Variants in SCMH1 observed in about 807,000 individuals in gnomAD.
SCMH1 encodes polycomb protein SCMH1.
A neutral mutation model predicts 70.8 loss-of-function variants in SCMH1; 37 were observed. That is an observed-to-expected ratio of 0.52 (90% confidence interval 0.40 to 0.69). The LOEUF (loss-of-function observed/expected upper bound fraction) is 0.69. Among genes scored for constraint, SCMH1 ranks in the 30% least tolerant of loss-of-function variants. The probability of loss-of-function intolerance (pLI) is 0.00; values close to 1 mark genes in which losing one functional copy is unlikely to be tolerated. For synonymous variants in SCMH1, 292 were observed against 307.4 expected, an observed-to-expected ratio of 0.95 and a Z score of 0.52; for missense variants, 607 against 827.3, an observed-to-expected ratio of 0.73 and a Z score of 3.27.
chr1:41,125,995 T>C (rs1017657510), intron 6 of SCMH1, among the ~76,000 whole-genome samples: 1 of 152,228 alleles, frequency 6.6e-6, no homozygotes, highest in African/African-American at 2.4e-5. Context: ...ATATGTTACA[T>C]ATATGTATTA....
intron 10 of SCMH1, among the ~76,000 whole-genome samples, chr1:41,050,001 A>C (rs1377732779): frequency 6.6e-6 from 1 of 151,668 alleles, no homozygotes; most frequent in African/African-American, 2.4e-5. Context: ...GGCTGCAGTG[A>C]GCTGTAATCG....
At chr1:41,061,472 T>C (rs780431199) in intron 10 of SCMH1, among the ~76,000 whole-genome samples, 2 of 152,054 alleles carry the variant, frequency 1.3e-5, no homozygotes, top group Non-Finnish European at 2.9e-5. Flanking sequence ...GCAAGGAAAA[T>C]TATCAGGGAA....
chr1:41,198,004 G>T (rs1034186276), intron 1 of SCMH1, among the ~76,000 whole-genome samples: 2 of 152,126 alleles, frequency 1.3e-5, no homozygotes, highest in African/African-American at 4.8e-5. Flanking sequence ...CACTAGCTAT[G>T]TAAACTTGGA....
intron 1 of SCMH1, among the ~76,000 whole-genome samples, chr1:41,225,722 C>T (rs1462076148): frequency 6.6e-6 from 1 of 152,138 alleles, no homozygotes. Flanking sequence ...AGTGAAAGGG[C>T]TTGTATGATG....
intron 6 of SCMH1, among the ~76,000 whole-genome samples, chr1:41,122,001 A>G (rs1672069497): frequency 6.6e-6 from 1 of 152,178 alleles, no homozygotes; most frequent in Admixed American, 6.5e-5. Flanking sequence ...CTGCTATATT[A>G]CCCTAATTTA....
intron 1 of SCMH1, among the ~76,000 whole-genome samples, chr1:41,205,506 CCT>C (rs531113824): frequency 5.3e-5 from 8 of 152,194 alleles, no homozygotes; most frequent in Non-Finnish European, 1.0e-4. Context: ...CTGTGAGACC[CCT>C]GATTTCCCAC....
At chr1:41,118,542 C>G (rs1031658029) in intron 6 of SCMH1, among the ~76,000 whole-genome samples, 1 of 152,186 alleles carries the variant, frequency 6.6e-6, no homozygotes, top group African/African-American at 2.4e-5. Flanking sequence ...CACACATACA[C>G]ACACCAAGTA....
Position 41,075,430 on chromosome 1 carries a change from T to C in SCMH1, c.767A>G (p.Tyr256Cys), listed in dbSNP as rs748157901. Residue 256 changes from tyrosine to cysteine, a missense_variant, in exon 9 of 15, where the codon TAT becomes TGT. By Grantham distance (194) the Tyr-to-Cys change is radical (BLOSUM62 -2). Coordinates refer to ENST00000337495, the Ensembl canonical transcript of SCMH1. ...CTCAGTATTCACATCGGAGGCAGGATAGGGATTCTTTGGAATCACAACTGC... is the reference window on the plus strand; with the variant it reads ...CTCAGTATTCACATCGGAGGCAGGACAGGGATTCTTTGGAATCACAACTGC... The C allele has an allele frequency of 1.9e-5, 31 of 1,614,044 alleles. No homozygotes were observed. The highest frequency in any genetic ancestry group is 2.5e-5 in the Non-Finnish European group (30 of 1,179,972).
intron 10 of SCMH1, among the ~76,000 whole-genome samples, chr1:41,057,185 T>A (rs1650643762): frequency 6.6e-6 from 1 of 152,192 alleles, no homozygotes; most frequent in Non-Finnish European, 1.5e-5. Context: ...TGAGATTTAG[T>A]CATAGGACTG....
Position 41,161,401 on chromosome 1 carries a change from T to G in SCMH1, c.45A>C (p.Lys15Asn), listed in dbSNP as rs1277347655. 5 of 1,550,400 alleles carry G rather than the reference T, an allele frequency of 3.2e-6. No individual in the cohort carries two copies. In the East Asian group the frequency reaches 7.3e-5, roughly 23 times the overall value. Residue 15 changes from lysine to asparagine, a missense_variant, in exon 3 of 15, where the codon AAA becomes AAC. Physicochemically the swap from Lys to Asn is moderately conservative, Grantham distance 94 (BLOSUM62 0). Around this residue, in one of 3 missense-constraint regions of SCMH1, gnomAD observed 72 missense variants for 84.6 expected, o/e 0.85. Transcript: ENST00000337495. ...ATGCAGACTCTGATAGGTGACCATA[T>G]TTGTGTTTTCTAACATCACTCCAGT...
intron 10 of SCMH1, among the ~76,000 whole-genome samples, chr1:41,057,014 T>C (rs1650558998): frequency 6.6e-6 from 1 of 152,122 alleles, no homozygotes; most frequent in African/African-American, 2.4e-5. Flanking sequence ...CTAACTGATC[T>C]GGAAGAGGAG....
intron 6 of SCMH1, among the ~76,000 whole-genome samples, chr1:41,141,832 G>A (rs1157460521): frequency 1.3e-5 from 2 of 151,966 alleles, no homozygotes; most frequent in African/African-American, 2.4e-5. Flanking sequence ...GAGACAGACA[G>A]AGACAGACAA....
chr1:41,161,167 T>C (rs1345650111), intron 3 of SCMH1, among the ~76,000 whole-genome samples, 197 bp downstream of exon 3: 1 of 152,240 alleles, frequency 6.6e-6, no homozygotes, highest in African/African-American at 2.4e-5. Context: ...GGATTACCTA[T>C]ACTCAGAATC....
chr1:41,203,182 C>A (rs1004516588), intron 1 of SCMH1, among the ~76,000 whole-genome samples: 2 of 151,950 alleles, frequency 1.3e-5, no homozygotes, highest in African/African-American at 2.4e-5. Flanking sequence ...TTATAGCTTA[C>A]CTCAATTCAG....
intron 9 of SCMH1, among the ~76,000 whole-genome samples, chr1:41,072,428 C>A (rs1656861084): frequency 6.6e-6 from 1 of 152,194 alleles, no homozygotes; most frequent in Non-Finnish European, 1.5e-5. Context: ...TTCCATTTTA[C>A]AGGTGAGAAA....
intron 1 of SCMH1, among the ~76,000 whole-genome samples, chr1:41,225,779 A>C (rs1418604975): frequency 6.6e-6 from 1 of 152,224 alleles, no homozygotes; most frequent in Non-Finnish European, 1.5e-5. Context: ...CTATGGCAAG[A>C]AGCAGTGACT....
exon 6 of SCMH1, chr1:41,143,018 A>G (rs1644240894): frequency 6.2e-7 from 1 of 1,613,992 alleles, no homozygotes; most frequent in Admixed American, 1.7e-5. Context: ...TGTCAGTCCA[A>G]CTACTGTGGC....
At chr1:41,083,022 T>C (rs1408830008) in intron 8 of SCMH1, among the ~76,000 whole-genome samples, 1 of 152,224 alleles carries the variant, frequency 6.6e-6, no homozygotes, top group Non-Finnish European at 1.5e-5. Context: ...AATATCATAC[T>C]GAATGGGCCA....
chr1:41,181,887 G>A lies in SCMH1; in HGVS notation c.13+4234C>T, dbSNP rs1301411397. Among the ~76,000 whole-genome samples, 3 of 152,168 alleles carry A rather than the reference G, an allele frequency of 2.0e-5. No individual in the cohort carries two copies. The East Asian group carries it at 5.8e-4, about 29-fold the overall frequency. On this transcript the variant is annotated intron_variant, in intron 2 of 14. Coordinates refer to ENST00000337495, the Ensembl canonical transcript of SCMH1. ...GGATTATAAATCATGCTGCTATAAA[G>A]ACACATGCACACGTATGTTTATTGC...
Sources: allele counts gnomAD v4.1 joint callset (sites outside exome capture counted in the v4.1 genomes callset), GRCh38; gene constraint gnomAD v4.1.1; regional missense constraint gnomAD v4.1.1; transcripts MANE v1.5; gene names NCBI Gene and HGNC (gene_info 2026-07-23, HGNC 2026-07-21).